Variants in CTNNA3 observed in about 807,000 individuals in gnomAD.
The protein encoded by CTNNA3 is catenin alpha 3.
In CTNNA3, 76 loss-of-function variants were observed where a neutral mutation model predicts 95.7. The ratio of observed to expected loss-of-function variants is 0.79; its 90% confidence interval spans 0.66 to 0.96. CTNNA3 has a LOEUF of 0.96. CTNNA3 is among the 40% of genes least tolerant of loss of function. The pLI, the probability that CTNNA3 is intolerant of heterozygous loss-of-function variation, is 0.00. For missense variants in CTNNA3, 1,191 were observed against 1,089.8 expected (o/e 1.09, Z -1.31); for synonymous variants, 431 against 374.4 (o/e 1.15, Z -1.74).
chr10:66,453,774 G>A (rs1294346327), intron 11 of CTNNA3, among the ~76,000 whole-genome samples: 2 of 152,210 alleles, frequency 1.3e-5, no homozygotes, highest in East Asian at 1.9e-4. Context: ...TTGATTGCCT[G>A]ATAAAACAAC....
rs1428307993 is a variant in CTNNA3, at chr10:67,199,472, C to T, written c.844-18952G>A. 4.6e-5 allele frequency among the ~76,000 whole-genome samples: 7 copies of T among 152,070 alleles called. No homozygotes were observed. In the South Asian group the frequency reaches 1.2e-3, roughly 27 times the overall value. On this transcript the variant is annotated intron_variant, in intron 6 of 17. Coordinates refer to ENST00000433211, the MANE Select transcript of CTNNA3 (RefSeq NM_013266.4). ...GCAACCTCCGCCTCCCGAGTTCAAG[C>T]GATTCTTCTTCCTGAGCCTCCCAAG...
intron 7 of CTNNA3, chr10:66,926,484 G>T (rs755225375): frequency 1.4e-6 from 2 of 1,380,564 alleles, no homozygotes; most frequent in South Asian, 1.2e-5. Flanking sequence ...GGGTGTCAGC[G>T]AGCCCTGACT....
chr10:66,009,272 C>T (rs765533996), intron 15 of CTNNA3, among the ~76,000 whole-genome samples: 3 of 152,086 alleles, frequency 2.0e-5, no homozygotes, highest in African/African-American at 7.2e-5. Flanking sequence ...TCTGTTTGGG[C>T]TTCCCTTTTA....
At chr10:66,669,751 C>T (rs1170943869) in intron 9 of CTNNA3, among the ~76,000 whole-genome samples, 2 of 151,960 alleles carry the variant, frequency 1.3e-5, no homozygotes, top group African/African-American at 4.8e-5. Context: ...ATGAATTTTC[C>T]AAGCTTTGAT....
chr10:66,520,776 A>G lies in CTNNA3; in HGVS notation c.1375-3T>C. ...AAAGCAAGTGCAGCATTAATAATCT[A>G]TAAAGATAAGGATTGAAAAAATTAC... On this transcript the variant is annotated splice_polypyrimidine_tract_variant and splice_region_variant and intron_variant, in intron 10 of 17. Coordinates refer to ENST00000433211, the MANE Select transcript of CTNNA3 (RefSeq NM_013266.4). 1 of 1,611,404 alleles carries G rather than the reference A, an allele frequency of 6.2e-7. No individual in the cohort carries two copies. Among genetic ancestry groups the G allele is most frequent in the Non-Finnish European group, 8.5e-7 (1 of 1,178,766 alleles).
intron 13 of CTNNA3, among the ~76,000 whole-genome samples, chr10:66,201,554 G>T (rs2087407154): frequency 6.6e-6 from 1 of 152,074 alleles, no homozygotes; most frequent in African/African-American, 2.4e-5. Context: ...CTCAAAAGCA[G>T]AAGTTATCAG....
At chr10:67,265,459 G>T (rs1866783339) in intron 5 of CTNNA3, among the ~76,000 whole-genome samples, 1 of 152,066 alleles carries the variant, frequency 6.6e-6, no homozygotes, top group Non-Finnish European at 1.5e-5. Flanking sequence ...AACTTACTTA[G>T]CAGGGAGGGG....
chr10:67,393,819 A>G (rs969722392), intron 5 of CTNNA3, among the ~76,000 whole-genome samples: 2 of 152,166 alleles, frequency 1.3e-5, no homozygotes, highest in Admixed American at 1.3e-4. Flanking sequence ...AAAAAATAAA[A>G]AGATATATAT....
chr10:67,261,281 A>G (rs748051940), intron 5 of CTNNA3, among the ~76,000 whole-genome samples: 1 of 152,194 alleles, frequency 6.6e-6, no homozygotes, highest in African/African-American at 2.4e-5. Context: ...CCCAATTCAA[A>G]GCCAAGCCTT....
Position 67,294,550 on chromosome 10 carries a change from T to C in CTNNA3, c.580-74680A>G, listed in dbSNP as rs533981050. Among the ~76,000 whole-genome samples the C allele has an allele frequency of 2.0e-4, 31 of 152,228 alleles. 1 individual carries two copies. The highest frequency in any genetic ancestry group is 6.7e-4 in the African/African-American group (28 of 41,548). On this transcript the variant is annotated intron_variant, in intron 5 of 17. Coordinates refer to ENST00000433211, the MANE Select transcript of CTNNA3 (RefSeq NM_013266.4). The stretch of plus-strand genomic sequence containing the variant: ...AAGAAGAATAATGACTACAAAGCTA[T>C]GTATATTGTCAAATCAAATAAATTT...
chr10:67,686,034 C>A (rs1012565888), intron 1 of CTNNA3, among the ~76,000 whole-genome samples: 1 of 152,176 alleles, frequency 6.6e-6, no homozygotes, highest in Non-Finnish European at 1.5e-5. Context: ...CAGTCTTATA[C>A]TCCTTGGGTT....
chr10:66,080,033 G>A (rs947640153), intron 14 of CTNNA3, among the ~76,000 whole-genome samples: 1 of 151,950 alleles, frequency 6.6e-6, no homozygotes, highest in African/African-American at 2.4e-5. Context: ...GATTCGGATC[G>A]CTTGAAGTCA....
At chr10:66,685,967 A>T (rs1446563467) in intron 9 of CTNNA3, among the ~76,000 whole-genome samples, 2 of 152,178 alleles carry the variant, frequency 1.3e-5, no homozygotes, top group Admixed American at 1.3e-4. Flanking sequence ...TAGTTTTATA[A>T]GACTTTGAGT....
intron 9 of CTNNA3, among the ~76,000 whole-genome samples, chr10:66,749,014 A>C (rs1424473990): frequency 6.6e-6 from 1 of 151,390 alleles, no homozygotes; most frequent in Non-Finnish European, 1.5e-5. Context: ...TCTTCCAAAA[A>C]AAAAAAAATA....
chr10:65,939,694 G>A (rs550875056), intron 17 of CTNNA3, among the ~76,000 whole-genome samples: 1 of 152,174 alleles, frequency 6.6e-6, no homozygotes, highest in Non-Finnish European at 1.5e-5. Flanking sequence ...CAATGAGCAA[G>A]AAAAACATTA....
chr10:66,201,783 CTTTTTTTTT>C lies in CTNNA3; in HGVS notation c.1884+78678_1884+78686del, dbSNP rs1236010501. Among the ~76,000 whole-genome samples, 7 of 79,378 alleles carry C rather than the reference CTTTTTTTTT, an allele frequency of 8.8e-5. No homozygotes were observed. In the East Asian group the frequency reaches 1.6e-3, roughly 18 times the overall value. The allele number at this position is 79,378 out of a possible 152,430, so 52.1% of individuals were successfully genotyped here. A position where few individuals can be genotyped will look rare whatever the true frequency, so the allele number is the denominator to read the frequency against. ...GATTGTTGCTGTCTTTTTACTTTTT[CTTTTTTTTT>C]TTTTTTTTTTTTTGAGATAGAGTTT... On this transcript the variant is annotated intron_variant, in intron 13 of 17. Transcript: ENST00000433211.
At chr10:67,513,477 A>G (rs1250007625) in intron 5 of CTNNA3, among the ~76,000 whole-genome samples, 1 of 152,202 alleles carries the variant, frequency 6.6e-6, no homozygotes, top group Non-Finnish European at 1.5e-5. Context: ...GACTGCACCC[A>G]CATCTTTTAT....
chr10:66,056,037 T>C (rs934512888), intron 15 of CTNNA3, among the ~76,000 whole-genome samples: 1 of 152,086 alleles, frequency 6.6e-6, no homozygotes, highest in African/African-American at 2.4e-5. Flanking sequence ...CTAATTGCTC[T>C]GGCTAGGACT....
At chr10:67,216,746 T>C (rs1262908383) in intron 6 of CTNNA3, among the ~76,000 whole-genome samples, 2 of 152,220 alleles carry the variant, frequency 1.3e-5, no homozygotes, top group African/African-American at 4.8e-5. Flanking sequence ...AGATTAGTTC[T>C]TGTGTACCAC....
Sources: allele counts gnomAD v4.1 joint callset (sites outside exome capture counted in the v4.1 genomes callset), GRCh38; gene constraint gnomAD v4.1.1; transcripts MANE v1.5; gene names NCBI Gene and HGNC (gene_info 2026-07-23, HGNC 2026-07-21).